GOT2: variants seen among roughly 807,000 people sequenced by gnomAD.
The protein encoded by GOT2 is aspartate aminotransferase, mitochondrial.
A neutral mutation model predicts 50.0 loss-of-function variants in GOT2; 17 were observed. The observed-to-expected ratio is 0.34, with a 90% CI of 0.23 to 0.51. The LOEUF is 0.51. Ranked by LOEUF, GOT2 falls within the 20% of genes least tolerant of loss-of-function variation. The pLI is 0.97. For missense variants in GOT2, 430 were observed against 559.6 expected (o/e 0.77, Z 2.34); for synonymous variants, 172 against 204.9 (o/e 0.84, Z 1.37).
chr16:58,715,941 T>C (rs1037887694), intron 8 of GOT2, 73 bp downstream of exon 8: 4 of 1,185,064 alleles, frequency 3.4e-6, no homozygotes, highest in Admixed American at 2.3e-5. Flanking sequence ...TCACTAGAGG[T>C]CAATTAAAAA....
chr16:58,722,408 T>A, intron 2 of GOT2, 130 bp from the exon 3 acceptor site: 3 of 838,880 alleles, frequency 3.6e-6, no homozygotes, highest in Non-Finnish European at 5.5e-6. Flanking sequence ...TTTTGCTCTG[T>A]CACCCAGGCT....
In GOT2 at chr16:58,718,592, C is replaced by T. The variant is rs747266251; in HGVS notation, c.532G>A (p.Gly178Ser). 6.2e-7 allele frequency: 1 copy of T among 1,611,606 alleles called. No individual in the cohort carries two copies. Among genetic ancestry groups the T allele is most frequent in the Non-Finnish European group, 8.5e-7 (1 of 1,178,620 alleles). Reference sequence around the variant, plus strand: ...GTCTTGGGGTCATAATACCGATAACCTTGTAGCTGCATGCCAGCATCCCTG... The same window carrying T: ...GTCTTGGGGTCATAATACCGATAACTTTGTAGCTGCATGCCAGCATCCCTG... ...IFRDAGMQLQ[G>S]YRYYDPKTCG... Residue 178 changes from glycine (G) to serine (S), a missense_variant, in exon 5 of 10, where the codon GGT (glycine) becomes AGT (serine). By Grantham distance (56) the Gly-to-Ser change is moderately conservative. Coordinates refer to ENST00000245206, the MANE Select transcript of GOT2 (RefSeq NM_002080.4).
intron 1 of GOT2, among the ~76,000 whole-genome samples, chr16:58,724,346 A>G (rs1459644794): frequency 6.6e-6 from 1 of 150,944 alleles, no homozygotes. Context: ...ACAGTGGTGC[A>G]ATCTTGGCTT....
At chr16:58,709,948 T>C (rs2044632268) in intron 8 of GOT2, among the ~76,000 whole-genome samples, 1 of 152,246 alleles carries the variant, frequency 6.6e-6, no homozygotes, top group Non-Finnish European at 1.5e-5. Context: ...AGCACTCTGT[T>C]ATAAAATGGC....
chr16:58,708,849 T>TA (rs55838325), intron 9 of GOT2, among the ~76,000 whole-genome samples: 99,917 of 146,876 alleles, frequency 0.68, 33,554 homozygotes, highest in Middle Eastern at 0.81. Context: ...GGTAAACAAC[T>TA]AAAAAAAAAA....
intron 7 of GOT2, 66 bp from the exon 8 acceptor site, chr16:58,716,245 T>A: frequency 4.9e-6 from 7 of 1,417,804 alleles, no homozygotes; most frequent in Non-Finnish European, 6.9e-6. Flanking sequence ...AAATCATGAG[T>A]GTATTTGCTA....
chr16:58,722,430 G>A (rs1183613891), intron 2 of GOT2, 152 bp from the exon 3 acceptor site: 1 of 674,072 alleles, frequency 1.5e-6, no homozygotes, highest in African/African-American at 1.8e-5. Context: ...GAGTGCAGTA[G>A]TGTGATCTCG....
rs994790835 is a variant in GOT2, at chr16:58,716,602, T to C, written c.853+61A>G. The C allele has an allele frequency of 4.2e-6, 6 of 1,432,702 alleles. No individual in the cohort carries two copies. In the South Asian group the frequency reaches 4.8e-5, roughly 12 times the overall value. 88.7% of individuals were successfully genotyped at this position (1,432,702 alleles called of 1,614,324 possible). ...CACACACACACACCCACAAGCTCTA[T>C]GCCCTCGTGGCATTCTCTCCCAGCA... On this transcript the variant is annotated intron_variant, in intron 7 of 9. Coordinates refer to ENST00000245206, the MANE Select transcript of GOT2 (RefSeq NM_002080.4).
At chr16:58,715,298 C>T (rs1427007511) in intron 8 of GOT2, among the ~76,000 whole-genome samples, 1 of 152,146 alleles carries the variant, frequency 6.6e-6, no homozygotes, top group Non-Finnish European at 1.5e-5. Flanking sequence ...TAATTTGAAA[C>T]TGATTTTAGG....
intron 6 of GOT2, 114 bp downstream of exon 6, chr16:58,718,082 T>C: frequency 2.5e-6 from 2 of 788,598 alleles, no homozygotes; most frequent in South Asian, 2.8e-5. Context: ...TCCACCTGTG[T>C]GGACATTTCA....
intron 3 of GOT2, among the ~76,000 whole-genome samples, chr16:58,721,148 T>G (rs2044736684): frequency 6.6e-6 from 1 of 152,204 alleles, no homozygotes; most frequent in Admixed American, 6.5e-5. Flanking sequence ...ATGTGTGGAC[T>G]TAGACCAGTC....
intron 9 of GOT2, 33 bp downstream of exon 9, chr16:58,709,384 C>G: frequency 1.9e-6 from 3 of 1,542,064 alleles, no homozygotes; most frequent in Non-Finnish European, 2.7e-6. Flanking sequence ...GACTGATCAG[C>G]TGGTCTGCTG....
At chr16:58,727,026 C>T (rs73550809) in intron 1 of GOT2, among the ~76,000 whole-genome samples, 6,237 of 151,920 alleles carry the variant, frequency 0.041, 378 homozygotes, top group East Asian at 0.29. Flanking sequence ...AGGTGGCGTG[C>T]GCCTTTAATC....
rs541303841 is a variant in GOT2 at position 58,722,373 on chromosome 16, A to C, written c.247-95T>G. 1.0e-4 allele frequency: 135 copies of C among 1,335,410 alleles called. 1 individual carries two copies. The highest frequency in any genetic ancestry group is 5.9e-4 in the Admixed American group (30 of 50,464). 82.7% of individuals were successfully genotyped at this position (1,335,410 alleles called of 1,614,324 possible). A position where few individuals can be genotyped will look rare whatever the true frequency, so the allele number is the denominator to read the frequency against. On this transcript the variant is annotated intron_variant, in intron 2 of 9. Coordinates refer to ENST00000245206, the MANE Select transcript of GOT2 (RefSeq NM_002080.4). ...GTTTTATAAGTTAAGTTTTGGAGGT[A>C]AAGTCTTTTTTTTTTGAGATGGAGT...
chr16:58,722,023 A>G (rs257631), intron 3 of GOT2, 127 bp downstream of exon 3: 619,416 of 954,558 alleles, frequency 0.65, 203,199 homozygotes, highest in African/African-American at 0.8. Flanking sequence ...CAGATGAACC[A>G]CCCGCCTTGG....
At chr16:58,729,075 G>A (rs2044811450) in intron 1 of GOT2, among the ~76,000 whole-genome samples, 1 of 151,808 alleles carries the variant, frequency 6.6e-6, no homozygotes, top group African/African-American at 2.4e-5. Context: ...ACTAGTGTTG[G>A]TGCCAGTTCT....
chr16:58,721,097 T>C (rs544807467), intron 3 of GOT2, among the ~76,000 whole-genome samples: 1 of 152,266 alleles, frequency 6.6e-6, no homozygotes, highest in African/African-American at 2.4e-5. Context: ...TACATAACCC[T>C]GGGGTTGAGG....
intron 7 of GOT2, 172 bp downstream of exon 7, chr16:58,716,491 A>G: frequency 1.5e-6 from 1 of 653,504 alleles, no homozygotes; most frequent in Non-Finnish European, 2.5e-6. Context: ...ATATATGGCT[A>G]AGAAAATCAG....
Position 58,708,234 on chromosome 16 carries a change from C to G in GOT2, c.1230G>C (p.Val410=). 1 of 1,614,088 alleles carries G rather than the reference C, an allele frequency of 6.2e-7. No homozygotes were observed. Among genetic ancestry groups the G allele is most frequent in the Non-Finnish European group, 8.5e-7 (1 of 1,179,960 alleles). The change falls in exon 10 of 10, where the codon GTG becomes GTC. Residue 410 remains valine, a synonymous_variant. Coordinates refer to ENST00000245206, the MANE Select transcript of GOT2 (RefSeq NM_002080.4). The part of the protein sequence containing the change: ...IYMTKDGRIS[V]AGVTSSNVGY... ...CCACGTTGCTGGAGGTGACCCCTGC[C>G]ACAGAGATGCGGCCATCTTTTGTCA...
Sources: gnomAD v4.1 joint callset for allele counts (sites outside exome capture counted in the v4.1 genomes callset) on GRCh38, gnomAD v4.1.1 for gene constraint, MANE v1.5 for transcripts, NCBI Gene and HGNC (gene_info 2026-07-23, HGNC 2026-07-21) for gene names.